The following NUP98 variants were observed in gnomAD, a reference collection of about 807,000 sequenced individuals.
NUP98 encodes nucleoporin 98 and 96 precursor, also known as nuclear pore complex protein Nup98-Nup96.
NUP98 carries 26 observed loss-of-function variants against 191.9 expected under a neutral mutation model. The ratio of observed to expected loss-of-function variants is 0.14; its 90% CI spans 0.10 to 0.19. NUP98 has a LOEUF of 0.19. NUP98 is among the 10% of genes least tolerant of loss of function. NUP98 has a pLI of 1.00. For synonymous variants in NUP98, 808 were observed against 778.4 expected (o/e 1.04, Z -0.63); for missense variants, 1,941 against 2,178.8 (o/e 0.89, Z 2.17).
At position 3,691,077 on chromosome 11, in the gene NUP98, T is replaced by C. The variant is rs78215704; in HGVS notation, c.4454+270A>G. Among the ~76,000 whole-genome samples, 508 of 152,366 alleles carry C rather than the reference T, an allele frequency of 3.3e-3. 1 individual carries two copies. The highest frequency in any genetic ancestry group is 0.012 in the African/African-American group (487 of 41,594). On this transcript the variant is annotated intron_variant, in intron 28 of 32. Transcript: ENST00000324932. ...AGTGGAAATATCAGCTTAGCTGTAATGGTAGTTACAATGCGATAGTTACTA... is the reference window on the plus strand; with the variant it reads ...AGTGGAAATATCAGCTTAGCTGTAACGGTAGTTACAATGCGATAGTTACTA...
intron 10 of NUP98, among the ~76,000 whole-genome samples, chr11:3,755,876 C>G (rs61877603): frequency 0.17 from 26,234 of 152,032 alleles, 2,473 homozygotes; most frequent in Non-Finnish European, 0.22. Flanking sequence ...AGGCAGAGAG[C>G]TGCTTGAACC....
chr11:3,737,321 C>CAAAAAA (rs34718372), intron 12 of NUP98, among the ~76,000 whole-genome samples: 1 of 111,968 alleles, frequency 8.9e-6, no homozygotes, highest in Non-Finnish European at 1.8e-5. Flanking sequence ...GCAGTAATAA[C>CAAAAAA]AAAAAAAAAA....
intron 8 of NUP98, among the ~76,000 whole-genome samples, chr11:3,766,277 G>C (rs2081336516): frequency 6.6e-6 from 1 of 151,912 alleles, no homozygotes; most frequent in South Asian, 2.1e-4. Flanking sequence ...TGGGAGGTGA[G>C]GTGAGAGGAT....
At chr11:3,731,262 T>A (rs1023116545) in intron 14 of NUP98, 129 bp downstream of exon 14, 7 of 603,290 alleles carry the variant, frequency 1.2e-5, no homozygotes, top group Admixed American at 8.4e-5. Flanking sequence ...AGACTCTGTC[T>A]CAAAAACAAA....
intron 14 of NUP98, among the ~76,000 whole-genome samples, chr11:3,729,503 T>G (rs1376918868): frequency 7.3e-6 from 1 of 137,628 alleles, no homozygotes; most frequent in Non-Finnish European, 1.5e-5. Flanking sequence ...GCCCAGGAGT[T>G]CGAGACCACC....
At chr11:3,774,476 G>A (rs1766467531) in intron 5 of NUP98, among the ~76,000 whole-genome samples, 1 of 151,886 alleles carries the variant, frequency 6.6e-6, no homozygotes, top group South Asian at 2.1e-4. Flanking sequence ...TGCAGTCCCA[G>A]CACTTTGGGA....
Position 3,720,975 on chromosome 11 carries a change from A to AGTGTGTGTGTGTGT in NUP98, c.2147-164_2147-151dup, listed in dbSNP as rs55984201. On this transcript the variant is annotated intron_variant, in intron 16 of 32. Transcript: ENST00000324932. The stretch of plus-strand genomic sequence containing the variant: ...TGATTCCTAGGAGAAGGGGTGTGTG[A>AGTGTGTGTGTGTGT]GTGTGTGTGTGTGTGTGTGTGTGTG... 8.8e-3 allele frequency: 2,859 copies of AGTGTGTGTGTGTGT among 324,540 alleles called. 38 individuals are homozygous for AGTGTGTGTGTGTGT. The highest frequency in any genetic ancestry group is 0.03 in the African/African-American group (1,338 of 44,090). The allele number at this position is 324,540 out of a possible 1,614,324, so 20.1% of individuals were successfully genotyped here. A position where few individuals can be genotyped will look rare whatever the true frequency, so the allele number is the denominator to read the frequency against.
At position 3,690,120 on chromosome 11, in the gene NUP98, T is replaced by G. The variant is rs2078263937; in HGVS notation, c.4454+1227A>C. On this transcript the variant is annotated intron_variant, in intron 28 of 32. Transcript: ENST00000324932. ...GTGCCTACCACAACACCCAGCTAAT[T>G]TTCGTATTTTTAGTAGAGATGGGGT... Among the ~76,000 whole-genome samples the G allele has an allele frequency of 1.3e-5, 2 of 151,268 alleles. 1 individual carries two copies. Among genetic ancestry groups the G allele is most frequent in the South Asian group, 4.2e-4 (2 of 4,776 alleles).
intron 20 of NUP98, among the ~76,000 whole-genome samples, chr11:3,709,696 C>G (rs2078973590): frequency 6.7e-6 from 1 of 149,472 alleles, no homozygotes; most frequent in Non-Finnish European, 1.5e-5. Context: ...AAGTCATTAA[C>G]TTAAATTCAC....
intron 13 of NUP98, among the ~76,000 whole-genome samples, chr11:3,734,162 A>G (rs943083344): frequency 6.6e-6 from 1 of 151,930 alleles, no homozygotes; most frequent in Non-Finnish European, 1.5e-5. Flanking sequence ...CAGCCTCCCA[A>G]GTAGCTGTGA....
At chr11:3,790,526 T>C (rs1415000757) in intron 1 of NUP98, among the ~76,000 whole-genome samples, 1 of 152,162 alleles carries the variant, frequency 6.6e-6, no homozygotes. Context: ...CTAAGACACT[T>C]TGCCCTTTTT....
chr11:3,735,492 A>T (rs564251418), intron 12 of NUP98, among the ~76,000 whole-genome samples, 168 bp from the exon 13 acceptor site: 62 of 152,136 alleles, frequency 4.1e-4, no homozygotes, highest in African/African-American at 1.5e-3. Flanking sequence ...CTGTAAAGAA[A>T]ATCAAGAATC....
intron 10 of NUP98, among the ~76,000 whole-genome samples, chr11:3,758,685 C>T (rs1462868014): frequency 6.6e-6 from 1 of 151,896 alleles, no homozygotes; most frequent in African/African-American, 2.4e-5. Context: ...CTCAGGAGGC[C>T]GAGACAGGAA....
At chr11:3,792,762 T>C in intron 1 of NUP98, among the ~76,000 whole-genome samples, 1 of 152,222 alleles carries the variant, frequency 6.6e-6, no homozygotes, top group South Asian at 2.1e-4. Flanking sequence ...CAATGGTTTT[T>C]AATACAACAG....
chr11:3,782,021 T>C, intron 2 of NUP98, 21 bp downstream of exon 2: 1 of 1,582,304 alleles, frequency 6.3e-7, no homozygotes, highest in Non-Finnish European at 8.7e-7. Flanking sequence ...TCTCCCTCTT[T>C]TGTCCTTTTT....
intron 31 of NUP98, 62 bp from the exon 32 acceptor site, chr11:3,676,682 A>T (rs1210581279): frequency 1.6e-6 from 2 of 1,247,016 alleles, no homozygotes; most frequent in East Asian, 2.3e-5. Flanking sequence ...AATCCCACCT[A>T]TAGACTCTAC....
At position 3,712,655 on chromosome 11, in the gene NUP98, G is replaced by A; in HGVS notation, c.2651C>T (p.Thr884Ile). ...EEEEHPSKTS[T>I]KKLKTAPLPP... ...CAAAGGAGCAGTCTTCAACTTCTTTGTACTAGTTTTAGACGGATGCTCCTC... is the reference window on the plus strand; with the variant it reads ...CAAAGGAGCAGTCTTCAACTTCTTTATACTAGTTTTAGACGGATGCTCCTC... The change falls in exon 20 of 33, where the codon ACA becomes ATA. Residue 884 changes from threonine (T) to isoleucine (I), a missense_variant. Coordinates refer to ENST00000324932, the MANE Select transcript of NUP98 (RefSeq NM_016320.5). 6.2e-7 allele frequency: 1 copy of A among 1,613,662 alleles called. No homozygotes were observed. Among genetic ancestry groups the A allele is most frequent in the Non-Finnish European group, 8.5e-7 (1 of 1,179,998 alleles).
At chr11:3,689,517 A>G (rs1473997848) in intron 28 of NUP98, among the ~76,000 whole-genome samples, 2 of 151,968 alleles carry the variant, frequency 1.3e-5, no homozygotes, top group African/African-American at 2.4e-5. Context: ...ACTGAGCAAG[A>G]GAGTCTGTCT....
rs2081421576 is a variant in NUP98, at chr11:3,768,752, GAAAAAGAAAAAAAAAAGA to G, written c.785-26_785-9del. 6.9e-7 allele frequency: 1 copy of G among 1,452,364 alleles called. No homozygotes were observed. Among genetic ancestry groups the G allele is most frequent in the South Asian group, 1.5e-5 (1 of 65,802 alleles). The allele number at this position is 1,452,364 out of a possible 1,614,324, so 90.0% of individuals were successfully genotyped here. A position where few individuals can be genotyped will look rare whatever the true frequency, so the allele number is the denominator to read the frequency against. On this transcript the variant is annotated splice_polypyrimidine_tract_variant and intron_variant, in intron 7 of 32. Coordinates refer to ENST00000324932, the MANE Select transcript of NUP98 (RefSeq NM_016320.5). ...TTCCAAATCCAGTTGTACCTTTTAG[GAAAAAGAAAAAAAAAAGA>G]AAAAAGAAATAATAAAAAAAATGTA...
Sources: allele counts gnomAD v4.1 joint callset (sites outside exome capture counted in the v4.1 genomes callset), GRCh38; gene constraint gnomAD v4.1.1; transcripts MANE v1.5; gene names NCBI Gene and HGNC (gene_info 2026-07-23, HGNC 2026-07-21).